ARAP2: variants seen among roughly 807,000 people sequenced by gnomAD.
ARAP2 encodes arf-GAP with Rho-GAP domain, ANK repeat and PH domain-containing protein 2.
In ARAP2, 148 loss-of-function variants were observed where a neutral mutation model predicts 194.5. The ratio of observed to expected loss-of-function variants is 0.76; its 90% CI spans 0.67 to 0.87. The LOEUF is 0.87. Among genes scored for constraint, ARAP2 ranks in the 40% least tolerant of loss-of-function variants. The probability of loss-of-function intolerance (pLI) is 0.00; values close to 1 mark genes in which losing one functional copy is unlikely to be tolerated. For missense variants in ARAP2, 2,128 were observed against 1,989.7 expected (o/e 1.07, Z -1.32); for synonymous variants, 695 against 683.5 (o/e 1.02, Z -0.26).
rs756804641 is a variant in ARAP2, at chr4:36,107,660, T to G, written c.4190A>C (p.Glu1397Ala). Residue 1397 changes from glutamate (E) to alanine (A), a missense_variant, in exon 27 of 33, where the codon GAG becomes GCG. Transcript: ENST00000303965. Reference sequence around the variant, plus strand: ...TAATGAACTCCACCGAAGCACCTGCTCCAGTACATTTTCCTTGTAGTGAAG... The same window carrying G: ...TAATGAACTCCACCGAAGCACCTGCGCCAGTACATTTTCCTTGTAGTGAAG... ...RPLHYKENVLEQVLRWSSLAE... is the reference protein window; with the variant it reads ...RPLHYKENVLAQVLRWSSLAE... 4 of 1,609,852 alleles carry G rather than the reference T, an allele frequency of 2.5e-6. No individual in the cohort carries two copies. The South Asian group carries it at 4.4e-5, about 18-fold the overall frequency.
At chr4:36,216,247 C>G (rs188838413) in intron 2 of ARAP2, among the ~76,000 whole-genome samples, 17 of 152,180 alleles carry the variant, frequency 1.1e-4, no homozygotes, top group African/African-American at 3.6e-4. Context: ...CAGAACAAGA[C>G]CCTGTCTCAA....
chr4:36,243,121 C>A (rs1753855432), intron 1 of ARAP2, among the ~76,000 whole-genome samples: 1 of 151,644 alleles, frequency 6.6e-6, no homozygotes, highest in African/African-American at 2.4e-5. Context: ...AAAGGTATTT[C>A]TCTTTTTTTC....
At chr4:36,117,532 T>C (rs149219964) in intron 24 of ARAP2, among the ~76,000 whole-genome samples, 27 of 151,728 alleles carry the variant, frequency 1.8e-4, no homozygotes, top group Admixed American at 5.3e-4. Flanking sequence ...ACAAAACACA[T>C]GAAGTTTTGC....
At chr4:36,126,692 T>C (rs1723989694) in intron 21 of ARAP2, among the ~76,000 whole-genome samples, 1 of 152,010 alleles carries the variant, frequency 6.6e-6, no homozygotes, top group African/African-American at 2.4e-5. Flanking sequence ...CAAAGCCTTC[T>C]CCAAATAAAT....
chr4:36,135,021 G>A (rs1396805137), intron 19 of ARAP2, among the ~76,000 whole-genome samples: 1 of 151,580 alleles, frequency 6.6e-6, no homozygotes, highest in Admixed American at 6.6e-5. Flanking sequence ...CAGTATCTCC[G>A]GTCATTAGCA....
At chr4:36,133,199 G>A in intron 20 of ARAP2, 27 bp downstream of exon 20, 1 of 1,606,886 alleles carries the variant, frequency 6.2e-7, no homozygotes, top group Non-Finnish European at 8.5e-7. Context: ...AGTTCTAAGG[G>A]TTGAATAAAA....
At chr4:36,104,540 A>T (rs1465218617) in intron 27 of ARAP2, among the ~76,000 whole-genome samples, 1 of 152,010 alleles carries the variant, frequency 6.6e-6, no homozygotes, top group Non-Finnish European at 1.5e-5. Context: ...GTCTATCACA[A>T]AGTATGCCCC....
chr4:36,160,266 A>C lies in ARAP2; in HGVS notation c.2442+193T>G. The C allele has an allele frequency of 3.4e-6, 4 of 1,187,398 alleles. No homozygotes were observed. In the South Asian group the frequency reaches 1.1e-4, roughly 32 times the overall value. The allele number at this position is 1,187,398 out of a possible 1,614,324, so 73.6% of individuals were successfully genotyped here. On this transcript the variant is annotated intron_variant, in intron 13 of 32. Transcript: ENST00000303965. ...AGGAAACTTCAATTATGGAGGAAGAATTTATGCTCTTTTGACAATGAATCC... is the reference window on the plus strand; with the variant it reads ...AGGAAACTTCAATTATGGAGGAAGACTTTATGCTCTTTTGACAATGAATCC...
At chr4:36,060,255 T>C (rs964476113) in intron 1 of ARAP2, among the ~76,000 whole-genome samples, 2 of 152,160 alleles carry the variant, frequency 1.3e-5, no homozygotes, top group African/African-American at 4.8e-5. Context: ...CTTTATCAGA[T>C]GTTATGAAAG....
Position 36,177,851 on chromosome 4 carries a change from A to G in ARAP2, c.1833T>C (p.Ser611=), listed in dbSNP as rs750585089. The G allele has an allele frequency of 5.6e-6, 9 of 1,610,056 alleles. No individual in the cohort carries two copies. In the Admixed American group the frequency reaches 1.2e-4, roughly 21 times the overall value. ...CCTGTTCGTTTTTGCAAAGCCACACACTGTTTCCACTTAACACAGTAAAAA... is the reference window on the plus strand; with the variant it reads ...CCTGTTCGTTTTTGCAAAGCCACACGCTGTTTCCACTTAACACAGTAAAAA... The part of the protein sequence containing the change: ...AKIFTVLSGN[S]VWLCKNEQDF... The change falls in exon 9 of 33, where the codon AGT becomes AGC. Residue 611 remains serine (S), a synonymous_variant. Coordinates refer to ENST00000303965, the MANE Select transcript of ARAP2 (RefSeq NM_015230.4).
intron 10 of ARAP2, chr4:36,006,456 C>T (rs1161169690): frequency 6.6e-6 from 1 of 152,108 alleles, no homozygotes; most frequent in East Asian, 1.9e-4. Flanking sequence ...AGCCTAAGAT[C>T]GTGTGGTTAG....
chr4:36,029,227 G>A, intron 5 of ARAP2, among the ~76,000 whole-genome samples: 1 of 151,874 alleles, frequency 6.6e-6, no homozygotes, highest in Non-Finnish European at 1.5e-5. Context: ...TTGATTATGT[G>A]TTTCTACTTA....
chr4:36,209,357 GAC>G (rs1746243058), intron 6 of ARAP2: 1 of 450,300 alleles, frequency 2.2e-6, no homozygotes, highest in African/African-American at 2.0e-5. Flanking sequence ...AGAAAGAAGT[GAC>G]ACACATAGCT....
intron 15 of ARAP2, among the ~76,000 whole-genome samples, chr4:36,156,945 A>C (rs1732705841): frequency 6.6e-6 from 1 of 152,224 alleles, no homozygotes; most frequent in Non-Finnish European, 1.5e-5. Context: ...TCCATTGTTA[A>C]TATATTCAAA....
chr4:36,120,373 G>T (rs1722390908), intron 23 of ARAP2, among the ~76,000 whole-genome samples: 1 of 151,444 alleles, frequency 6.6e-6, no homozygotes, highest in African/African-American at 2.4e-5. Context: ...TCTTTTTCTT[G>T]TCTTATGATA....
At chr4:36,116,148 A>G (rs900717374) in intron 25 of ARAP2, among the ~76,000 whole-genome samples, 2 of 151,944 alleles carry the variant, frequency 1.3e-5, no homozygotes, top group East Asian at 3.9e-4. Context: ...GACAAAACCT[A>G]TAATTATAGT....
chr4:36,209,447 T>C (rs1173232881), intron 6 of ARAP2: 2 of 426,732 alleles, frequency 4.7e-6, no homozygotes, highest in Non-Finnish European at 9.3e-6. Flanking sequence ...GGTATTAACA[T>C]ATAATTGCTA....
chr4:36,162,484 T>G (rs1175904987), intron 11 of ARAP2, among the ~76,000 whole-genome samples: 1 of 152,182 alleles, frequency 6.6e-6, no homozygotes, highest in East Asian at 1.9e-4. Context: ...CTATGTCAGA[T>G]TATTTCAAAG....
chr4:36,145,049 G>A (rs1473201132), intron 19 of ARAP2, among the ~76,000 whole-genome samples: 1 of 151,820 alleles, frequency 6.6e-6, no homozygotes, highest in Non-Finnish European at 1.5e-5. Flanking sequence ...GTAATTAAGA[G>A]TTTTTTTAAG....
Sources: allele counts gnomAD v4.1 joint callset (sites outside exome capture counted in the v4.1 genomes callset), GRCh38; gene constraint gnomAD v4.1.1; transcripts MANE v1.5; gene names NCBI Gene and HGNC (gene_info 2026-07-23, HGNC 2026-07-21).